Variants in FAT1 observed in about 807,000 individuals in gnomAD.
FAT1 encodes FAT atypical cadherin 1.
Under a neutral mutation model 329.8 loss-of-function variants are expected in FAT1, and 171 were observed. That is an observed-to-expected ratio of 0.52 (90% confidence interval 0.46 to 0.59). The LOEUF (loss-of-function observed/expected upper bound fraction) is 0.59, where lower values mean the gene tolerates loss of function less well. Ranked by LOEUF, FAT1 falls within the 20% of genes least tolerant of loss-of-function variation. The pLI is 0.00. For missense variants in FAT1, 5,672 were observed against 5,774.4 expected (o/e 0.98, Z 0.57); for synonymous variants, 2,233 against 2,228.6 (o/e 1.00, Z -0.06).
At chr4:186,700,808 C>T (rs969134141) in intron 2 of FAT1, among the ~76,000 whole-genome samples, 2 of 152,206 alleles carry the variant, frequency 1.3e-5, no homozygotes, top group African/African-American at 4.8e-5. Context: ...GACTGGCACA[C>T]ACAGAATGCC....
Position 186,595,333 on chromosome 4 carries a change from T to C in FAT1, c.13138+356A>G, listed in dbSNP as rs567352653. 7.9e-5 allele frequency among the ~76,000 whole-genome samples: 12 copies of C among 151,552 alleles called. No individual in the cohort carries two copies. In the South Asian group the frequency reaches 2.3e-3, roughly 29 times the overall value. On this transcript the variant is annotated intron_variant, in intron 26 of 26. Coordinates refer to ENST00000441802, the MANE Select transcript of FAT1 (RefSeq NM_005245.4). ...TGTGTGTGTGAGAGAGAGTGTGTGT[T>C]TGTGTGCGTGCTGCGTGGTTAAGAA...
In FAT1 at chr4:186,599,970, G is replaced by A. The variant is rs1560921306; in HGVS notation, c.12031C>T (p.Leu4011=). The part of the protein sequence containing the change: ...ESVDVSPGCF[L]TATEDCASNP... ...CTGGCGCAGTCTTCCGTGGCCGTCA[G>A]GAAGCAGCCTGGAGATACATCCACC... Residue 4011 remains leucine (L), a synonymous_variant, in exon 22 of 27, where the codon CTG becomes TTG. Transcript: ENST00000441802. The A allele has an allele frequency of 1.2e-6, 2 of 1,614,006 alleles. No individual in the cohort carries two copies. Among genetic ancestry groups the A allele is most frequent in the Non-Finnish European group, 1.7e-6 (2 of 1,179,894 alleles).
intron 2 of FAT1, among the ~76,000 whole-genome samples, chr4:186,702,531 G>A (rs1323493697): frequency 6.6e-6 from 1 of 152,098 alleles, no homozygotes; most frequent in Admixed American, 6.6e-5. Flanking sequence ...ACACATCAGG[G>A]AACAGACCTC....
intron 1 of FAT1, among the ~76,000 whole-genome samples, chr4:186,715,550 A>T (rs1443802088): frequency 2.0e-5 from 3 of 152,246 alleles, no homozygotes; most frequent in Non-Finnish European, 4.4e-5. Flanking sequence ...CCTGATCAAA[A>T]CAATGGCTGT....
rs1002253513 is a variant in FAT1, at chr4:186,619,451, C to G, written c.7135G>C (p.Asp2379His). The G allele has an allele frequency of 1.2e-6, 2 of 1,613,988 alleles. No homozygotes were observed. Among genetic ancestry groups the G allele is most frequent in the East Asian group, 4.5e-5 (2 of 44,884 alleles). The stretch of plus-strand genomic sequence containing the variant: ...GGATTATCATTGAGGTCGGTAACGT[C>G]CACCGTGACAATCACATCACTGCTC... ...TLSSDVIVTV[D>H]VTDLNDNPPL... The change falls in exon 10 of 27, where the codon GAC (aspartate) becomes CAC (histidine). Residue 2379 changes from aspartate (D) to histidine (H), a missense_variant. By Grantham distance (81) the Asp-to-His change is moderately conservative. Coordinates refer to ENST00000441802, the MANE Select transcript of FAT1 (RefSeq NM_005245.4).
At chr4:186,662,549 T>C (rs1169319626) in intron 3 of FAT1, among the ~76,000 whole-genome samples, 2 of 152,096 alleles carry the variant, frequency 1.3e-5, no homozygotes, top group Non-Finnish European at 2.9e-5. Flanking sequence ...CCCAATCCCT[T>C]ACCACCTGCA....
chr4:186,701,091 C>T (rs1458416221), intron 2 of FAT1, among the ~76,000 whole-genome samples: 1 of 152,220 alleles, frequency 6.6e-6, no homozygotes, highest in Non-Finnish European at 1.5e-5. Context: ...TAGACTTGTT[C>T]AGTCAGTAAC....
intron 3 of FAT1, among the ~76,000 whole-genome samples, chr4:186,653,376 C>T (rs1376859777): frequency 6.6e-6 from 1 of 152,146 alleles, no homozygotes; most frequent in Non-Finnish European, 1.5e-5. Flanking sequence ...ACTCTAATTG[C>T]TCTATTTAAA....
chr4:186,724,041 G>A (rs1260401435), upstream of FAT1, among the ~76,000 whole-genome samples: 1 of 151,764 alleles, frequency 6.6e-6, no homozygotes, highest in Non-Finnish European at 1.5e-5. The surrounding 1 kb of genome is among the most constrained non-coding windows in gnomAD (Gnocchi z 5.3). Context: ...GCTGGGAGAC[G>A]AGAAGGCGCC....
rs957465139 is a variant in FAT1 at position 186,596,179 on chromosome 4, T to C, written c.13001-353A>G. On this transcript the variant is annotated intron_variant, in intron 25 of 26. Coordinates refer to ENST00000441802, the MANE Select transcript of FAT1 (RefSeq NM_005245.4). The surrounding 1 kb of genome is among the most constrained non-coding windows in gnomAD (Gnocchi z 4.7). ...ATGTTAGGTCACTAATATAAATATT[T>C]CCACTTCGCCAGGTCATATTTTTAA... is the stretch of plus-strand genomic sequence containing the variant. 1.3e-5 allele frequency among the ~76,000 whole-genome samples: 2 copies of C among 152,180 alleles called. No individual in the cohort carries two copies. The highest frequency in any genetic ancestry group is 2.9e-5 in the Non-Finnish European group (2 of 68,036).
chr4:186,724,386 A>T (rs1246873833), upstream of FAT1, among the ~76,000 whole-genome samples: 3 of 151,958 alleles, frequency 2.0e-5, no homozygotes. This position sits in a 1 kb window ranked among gnomAD's most constrained non-coding sequence, Gnocchi z 5.3. Flanking sequence ...TTCCTCCTTC[A>T]ATCCCCAGAA....
intron 2 of FAT1, among the ~76,000 whole-genome samples, chr4:186,681,011 G>A (rs1341284660): frequency 6.6e-6 from 1 of 152,166 alleles, no homozygotes; most frequent in African/African-American, 2.4e-5. Context: ...CCTTAACATG[G>A]TATCAGTGAC....
At position 186,645,419 on chromosome 4, in the gene FAT1, AT is replaced by A. The variant is rs1560962585; in HGVS notation, c.3581-5637del. Among the ~76,000 whole-genome samples the A allele has an allele frequency of 1.5e-3, 109 of 73,326 alleles. 2 individuals are homozygous for A. Among genetic ancestry groups the A allele is most frequent in the African/African-American group, 6.3e-3 (101 of 16,096 alleles). The allele number at this position is 73,326 out of a possible 152,430, so 48.1% of individuals were successfully genotyped here. ...TATATATATATATATATATATATATATATGCCTGTAAAAAACTGAGATATAT... is the reference window on the plus strand; with the variant it reads ...TATATATATATATATATATATATATAATGCCTGTAAAAAACTGAGATATAT... On this transcript the variant is annotated intron_variant, in intron 3 of 26. Coordinates refer to ENST00000441802, the MANE Select transcript of FAT1 (RefSeq NM_005245.4).
chr4:186,611,900 T>G (rs991032396), intron 13 of FAT1, 125 bp from the exon 14 acceptor site: 3 of 658,532 alleles, frequency 4.6e-6, no homozygotes, highest in South Asian at 2.0e-5. Flanking sequence ...CTTGGCTCAC[T>G]GCAACCTCTG....
chr4:186,597,799 A>T lies in FAT1; in HGVS notation c.12258-7T>A, dbSNP rs2126400216. On this transcript the variant is annotated splice_region_variant and splice_polypyrimidine_tract_variant and intron_variant, in intron 23 of 26. Coordinates refer to ENST00000441802, the MANE Select transcript of FAT1 (RefSeq NM_005245.4). Reference sequence around the variant, plus strand: ...GTATGGACTAAGCTGACACCTGAAGAGTAAGGAGAAACAGACATAAACCTC... The same window carrying T: ...GTATGGACTAAGCTGACACCTGAAGTGTAAGGAGAAACAGACATAAACCTC... 6.2e-7 allele frequency: 1 copy of T among 1,610,050 alleles called. No homozygotes were observed. Among genetic ancestry groups the T allele is most frequent in the African/African-American group, 1.3e-5 (1 of 74,972 alleles).
rs2126413643 is a variant in FAT1, at chr4:186,600,216, G to C, written c.11785C>G (p.Gln3929Glu). The C allele has an allele frequency of 6.2e-7, 1 of 1,614,038 alleles. No individual in the cohort carries two copies. Among genetic ancestry groups the C allele is most frequent in the Admixed American group, 1.7e-5 (1 of 60,026 alleles). The change falls in exon 22 of 27, where the codon CAA (glutamine) becomes GAA (glutamate). Residue 3929 changes from glutamine (Q) to glutamate (E), a missense_variant. Around this residue, in one of 2 missense-constraint regions of FAT1, gnomAD observed 1,706 missense variants for 1,859.1 expected, o/e 0.92. Coordinates refer to ENST00000441802, the MANE Select transcript of FAT1 (RefSeq NM_005245.4). ...GCTGTGCCCGATGCAGTATGAACTT[G>C]GTCTAGAACCAAGCGAGCATAGTTT... is the stretch of plus-strand genomic sequence containing the variant. The part of the protein sequence containing the change: ...NGNYARLVLD[Q>E]VHTASGTAPG...
chr4:186,639,886 A>G (rs1397080863), intron 3 of FAT1, 103 bp from the exon 4 acceptor site: 1 of 970,594 alleles, frequency 1.0e-6, no homozygotes, highest in Admixed American at 2.0e-5. Context: ...CTCATGCCTT[A>G]ATCCCAGCAC....
At chr4:186,657,869 C>T (rs557661324) in intron 3 of FAT1, among the ~76,000 whole-genome samples, 2 of 152,312 alleles carry the variant, frequency 1.3e-5, no homozygotes, top group South Asian at 2.1e-4. Context: ...AGACTCTTTG[C>T]AAGGGTGGTG....
At chr4:186,611,357 G>A (rs2126465970) in intron 14 of FAT1, 29 bp downstream of exon 14, 3 of 1,564,392 alleles carry the variant, frequency 1.9e-6, no homozygotes, top group Non-Finnish European at 2.6e-6. Flanking sequence ...TGGAATGAAG[G>A]GTTTCCTCTC....
Sources: gnomAD v4.1 joint callset for allele counts (sites outside exome capture counted in the v4.1 genomes callset) on GRCh38, gnomAD v4.1.1 for gene constraint, gnomAD v4.1.1 regional missense constraint, Gnocchi (gnomAD v3.1) non-coding constraint, MANE v1.5 for transcripts, NCBI Gene and HGNC (gene_info 2026-07-23, HGNC 2026-07-21) for gene names.